The following ARHGEF6 variants were observed in gnomAD, a reference collection of about 807,000 sequenced individuals.
ARHGEF6 encodes rho guanine nucleotide exchange factor 6.
A neutral mutation model predicts 70.3 loss-of-function variants in ARHGEF6; 9 were observed. The ratio of observed to expected loss-of-function variants is 0.13; its 90% CI spans 0.08 to 0.22. The LOEUF is 0.22. Ranked by LOEUF, ARHGEF6 falls within the 10% of genes least tolerant of loss-of-function variation. ARHGEF6 has a pLI of 1.00. For synonymous variants in ARHGEF6, 201 were observed against 207.8 expected (o/e 0.97, Z 0.28); for missense variants, 470 against 563.0 (o/e 0.83, Z 1.67).
intron 5 of ARHGEF6, among the ~76,000 whole-genome samples, chrX:136,738,551 A>G (rs1445465344): frequency 8.9e-6 from 1 of 112,467 alleles, no homozygotes; most frequent in Admixed American, 9.4e-5. Context: ...CCACCTCTCC[A>G]TAGCATACTG....
intron 2 of ARHGEF6, chrX:136,767,558 C>T: frequency 1.3e-6 from 1 of 754,661 alleles, no homozygotes; most frequent in Non-Finnish European, 1.6e-6. Flanking sequence ...GATCGCGGGG[C>T]CGAACTGGGG....
chrX:136,753,916 CTA>C (rs776999126), intron 2 of ARHGEF6, among the ~76,000 whole-genome samples: 3 of 112,224 alleles, frequency 2.7e-5, no homozygotes, highest in Non-Finnish European at 5.6e-5. Flanking sequence ...CTTTAACTCT[CTA>C]TGTTTTCTTT....
chrX:136,679,157 T>C (rs2076308204), intron 16 of ARHGEF6, among the ~76,000 whole-genome samples: 1 of 112,199 alleles, frequency 8.9e-6, no homozygotes, highest in African/African-American at 3.2e-5. Context: ...ATCAAAATGA[T>C]CCCAAATGCT....
intron 2 of ARHGEF6, among the ~76,000 whole-genome samples, chrX:136,773,428 C>G (rs1569425953): frequency 8.9e-6 from 1 of 112,233 alleles, no homozygotes; most frequent in African/African-American, 3.2e-5. Context: ...AAGCTTCAGA[C>G]AAGATGATGA....
chrX:136,666,987 T>C lies in ARHGEF6; in HGVS notation c.*1042A>G, dbSNP rs921584747. The C allele has an allele frequency of 1.8e-5, 2 of 112,638 alleles. No homozygotes were observed. Among genetic ancestry groups the C allele is most frequent in the Non-Finnish European group, 3.8e-5 (2 of 53,315 alleles). 9.3% of individuals were successfully genotyped at this position (112,638 alleles called of 1,213,427 possible). A position where few individuals can be genotyped will look rare whatever the true frequency, so the allele number is the denominator to read the frequency against. ...ATATATGAGAGAGTAATAAAGTGAA[T>C]GAAAGCTGTCTAGTAGGGCACAATA... On this transcript the variant is annotated 3_prime_UTR_variant, in exon 22 of 22. Transcript: ENST00000250617.
chrX:136,683,428 G>A (rs2076353764), intron 12 of ARHGEF6, among the ~76,000 whole-genome samples: 1 of 110,210 alleles, frequency 9.1e-6, no homozygotes, highest in Non-Finnish European at 1.9e-5. Context: ...GCACGATCTC[G>A]GCTCACCACA....
At chrX:136,759,109 C>T (rs1367451588) in intron 2 of ARHGEF6, among the ~76,000 whole-genome samples, 2 of 112,256 alleles carry the variant, frequency 1.8e-5, no homozygotes, top group South Asian at 3.7e-4. Context: ...AGTGGTTATA[C>T]AAACAGTGTA....
Position 136,743,761 on chromosome X carries a change from T to G in ARHGEF6, c.485A>C (p.Gln162Pro). 1 of 1,211,830 alleles carries G rather than the reference T, an allele frequency of 8.3e-7. No individual in the cohort carries two copies. Among genetic ancestry groups the G allele is most frequent in the African/African-American group, 1.7e-5 (1 of 57,840 alleles). The change falls in exon 5 of 22, where the codon CAG becomes CCG. Residue 162 changes from glutamine (Q) to proline (P), a missense_variant. Physicochemically the swap from Gln to Pro is moderately conservative, Grantham distance 76 (BLOSUM62 -1). Around this residue, in one of 3 missense-constraint regions of ARHGEF6, gnomAD observed 379 missense variants for 449.3 expected, o/e 0.84. Transcript: ENST00000250617. ...GTTGAATCTTGCTTTTACTATCAAC[T>G]GATGACTTCCATTTTCCGTCATCTC... ...TVEMTENGSH[Q>P]LIVKARFNFK...
At chrX:136,681,609 G>A (rs192074855) in intron 14 of ARHGEF6, among the ~76,000 whole-genome samples, 44 of 112,134 alleles carry the variant, frequency 3.9e-4, no homozygotes, top group South Asian at 3.7e-4. Flanking sequence ...AGAAAATTGC[G>A]TTTACATCAG....
rs963137363 is a variant in ARHGEF6 at position 136,779,596 on chromosome X, A to C, written c.166-99T>G. On this transcript the variant is annotated intron_variant, in intron 1 of 21. Coordinates refer to ENST00000250617, the MANE Select transcript of ARHGEF6 (RefSeq NM_004840.3). The stretch of plus-strand genomic sequence containing the variant: ...ATAACTAGAGAAAGCAGGCCTCTTA[A>C]GGTGTGGGGCAACACTGCTGTCAAT... 11 of 745,479 alleles carry C rather than the reference A, an allele frequency of 1.5e-5. No homozygotes were observed. In the Admixed American group the frequency reaches 2.1e-4, roughly 14 times the overall value. 61.4% of individuals were successfully genotyped at this position (745,479 alleles called of 1,213,427 possible).
chrX:136,737,621 G>C (rs2033627299), intron 5 of ARHGEF6, among the ~76,000 whole-genome samples: 1 of 104,691 alleles, frequency 9.6e-6, no homozygotes, highest in South Asian at 4.5e-4. Flanking sequence ...TGGAAGGCCA[G>C]GGCAGGAGGA....
At position 136,727,331 on chromosome X, in the gene ARHGEF6, T is replaced by TTC. The variant is rs60585385; in HGVS notation, c.732+4769_732+4770dup. ...TCTTTCTTTCTTTCTTTCTTTTTCTTTCTTTCTTTCTTTCTTTCTTTCTTT... is the reference window on the plus strand; with the variant it reads ...TCTTTCTTTCTTTCTTTCTTTTTCTTTCTCTTTCTTTCTTTCTTTCTTTCTTT... On this transcript the variant is annotated intron_variant, in intron 6 of 21. Coordinates refer to ENST00000250617, the MANE Select transcript of ARHGEF6 (RefSeq NM_004840.3). Among the ~76,000 whole-genome samples, 217 of 46,282 alleles carry TTC rather than the reference T, an allele frequency of 4.7e-3. 4 individuals are homozygous for TTC. Among genetic ancestry groups the TTC allele is most frequent in the South Asian group, 0.034 (29 of 858 alleles). The allele number at this position is 46,282 out of a possible 115,157, so 40.2% of individuals were successfully genotyped here.
chrX:136,780,034 A>G (rs1291916883), intron 1 of ARHGEF6, among the ~76,000 whole-genome samples: 3 of 112,106 alleles, frequency 2.7e-5, no homozygotes, highest in African/African-American at 9.7e-5. Flanking sequence ...TGATGACCTT[A>G]AGAAAGTAAA....
At chrX:136,756,484 T>C (rs140158162) in intron 2 of ARHGEF6, among the ~76,000 whole-genome samples, 72 of 112,007 alleles carry the variant, frequency 6.4e-4, no homozygotes, top group Non-Finnish European at 1.2e-3. Flanking sequence ...ACCGTTTTTG[T>C]TGTAAAACTG....
intron 2 of ARHGEF6, among the ~76,000 whole-genome samples, chrX:136,774,564 T>C (rs1603357849): frequency 9.5e-6 from 1 of 105,185 alleles, no homozygotes; most frequent in Middle Eastern, 4.8e-3. Flanking sequence ...GGCATGAGAA[T>C]TGCTTGAGCC....
chrX:136,765,483 G>T (rs1313790393), intron 2 of ARHGEF6, among the ~76,000 whole-genome samples: 1 of 111,771 alleles, frequency 8.9e-6, no homozygotes, highest in Non-Finnish European at 1.9e-5. Flanking sequence ...GCAGACTGTA[G>T]GTAAATAGAA....
chrX:136,718,309 A>AAG (rs1227052575), intron 6 of ARHGEF6, among the ~76,000 whole-genome samples: 1 of 111,480 alleles, frequency 9.0e-6, no homozygotes, highest in Non-Finnish European at 1.9e-5. Context: ...GTTCTCCAAC[A>AAG]AGACATAACA....
At chrX:136,755,303 A>C (rs1274490229) in intron 2 of ARHGEF6, among the ~76,000 whole-genome samples, 4 of 112,169 alleles carry the variant, frequency 3.6e-5, no homozygotes, top group Non-Finnish European at 7.5e-5. Context: ...TGCCCTAGAC[A>C]TTCAGGGTAC....
chrX:136,762,750 C>T (rs1261975556), intron 2 of ARHGEF6, among the ~76,000 whole-genome samples: 2 of 112,023 alleles, frequency 1.8e-5, no homozygotes, highest in Non-Finnish European at 3.8e-5. Context: ...CCTCAGCCTC[C>T]CAAAGTGCTA....
Sources: gnomAD v4.1 joint callset for allele counts (sites outside exome capture counted in the v4.1 genomes callset) on GRCh38, gnomAD v4.1.1 for gene constraint, gnomAD v4.1.1 regional missense constraint, MANE v1.5 for transcripts, NCBI Gene and HGNC (gene_info 2026-07-23, HGNC 2026-07-21) for gene names.